The following CACNA1H variants were observed in gnomAD, a reference collection of about 807,000 sequenced individuals.
The protein encoded by CACNA1H is calcium voltage-gated channel subunit alpha1 H, also known as voltage-dependent T-type calcium channel subunit alpha-1H.
Under a neutral mutation model 192.5 loss-of-function variants are expected in CACNA1H, and 149 were observed. That is an observed-to-expected ratio of 0.77 (90% CI 0.68 to 0.89). CACNA1H has a LOEUF of 0.89. CACNA1H is among the 40% of genes least tolerant of loss of function. CACNA1H has a pLI of 0.00. For synonymous variants in CACNA1H, 2,202 were observed against 1,475.2 expected (o/e 1.49, Z -11.29); for missense variants, 4,257 against 3,423.5 (o/e 1.24, Z -6.08).
chr16:1,156,353 C>G (rs777965705), intron 2 of CACNA1H, among the ~76,000 whole-genome samples: 1 of 152,216 alleles, frequency 6.6e-6, no homozygotes, highest in Non-Finnish European at 1.5e-5. Flanking sequence ...GTGTGACCAC[C>G]AGCAGATGCC....
Position 1,204,569 on chromosome 16 carries a change from G to A in CACNA1H, c.2451+111G>A. ...GCCTGACCTGATGGTAGGACGGTCA[G>A]GCAGGGCTCTAGAAAGCCGGGGATG... On this transcript the variant is annotated intron_variant, in intron 10 of 34. Coordinates refer to ENST00000348261, the MANE Select transcript of CACNA1H (RefSeq NM_021098.3). The A allele has an allele frequency of 9.5e-6, 8 of 845,850 alleles. No individual in the cohort carries two copies. In the South Asian group the frequency reaches 1.3e-4, roughly 14 times the overall value. The allele number at this position is 845,850 out of a possible 1,614,324, so 52.4% of individuals were successfully genotyped here.
At chr16:1,165,193 CGGG>C (rs953459142) in intron 2 of CACNA1H, among the ~76,000 whole-genome samples, 2 of 151,944 alleles carry the variant, frequency 1.3e-5, no homozygotes, top group Non-Finnish European at 2.9e-5. Flanking sequence ...GCTGGGGAGA[CGGG>C]GGGAAGAGCA....
chr16:1,203,358 G>A (rs1036120384), intron 9 of CACNA1H, among the ~76,000 whole-genome samples: 4 of 152,168 alleles, frequency 2.6e-5, no homozygotes, highest in Non-Finnish European at 5.9e-5. Flanking sequence ...AGCTAACTTC[G>A]CCTGTGTGCT....
intron 2 of CACNA1H, among the ~76,000 whole-genome samples, chr16:1,162,131 C>T (rs1221141315): frequency 1.3e-5 from 2 of 152,108 alleles, no homozygotes; most frequent in Admixed American, 6.5e-5. Flanking sequence ...CTCCTCGTCC[C>T]CACTCAGTCC....
At chr16:1,169,782 C>G (rs1490126698) in intron 2 of CACNA1H, among the ~76,000 whole-genome samples, 1 of 152,226 alleles carries the variant, frequency 6.6e-6, no homozygotes. Context: ...CCTCCCAGGC[C>G]TGGTCCCTGG....
At chr16:1,189,339 G>C (rs532257013) in intron 2 of CACNA1H, among the ~76,000 whole-genome samples, 3 of 145,904 alleles carry the variant, frequency 2.1e-5, no homozygotes, top group African/African-American at 7.4e-5. Flanking sequence ...GCTTGGAGAT[G>C]TGAGGAAGGG....
intron 2 of CACNA1H, among the ~76,000 whole-genome samples, chr16:1,191,758 G>A (rs1291414715): frequency 1.2e-5 from 1 of 85,216 alleles, no homozygotes; most frequent in Non-Finnish European, 2.5e-5. Context: ...AGGCACACTC[G>A]GGGTCTCTGA....
At chr16:1,156,692 C>G (rs529318578) in intron 2 of CACNA1H, among the ~76,000 whole-genome samples, 2 of 152,130 alleles carry the variant, frequency 1.3e-5, no homozygotes, top group African/African-American at 4.8e-5. Context: ...CTCAGGGAAC[C>G]CACACTCAGT....
chr16:1,212,597 C>T, intron 26 of CACNA1H, 69 bp downstream of exon 26: 2 of 1,559,518 alleles, frequency 1.3e-6, no homozygotes, highest in Non-Finnish European at 1.7e-6. Flanking sequence ...GGCGGGCATC[C>T]CAGGCCTGCT....
chr16:1,189,586 T>C (rs772550915), intron 2 of CACNA1H, among the ~76,000 whole-genome samples: 12 of 151,932 alleles, frequency 7.9e-5, no homozygotes, highest in Non-Finnish European at 1.6e-4. Flanking sequence ...TTTTGTTAAA[T>C]ATTTGTTAAA....
intron 26 of CACNA1H, among the ~76,000 whole-genome samples, chr16:1,212,969 A>G (rs1596463912): frequency 6.6e-6 from 1 of 152,114 alleles, no homozygotes. Context: ...AGCAGTCCCC[A>G]CCCGTGTGTG....
intron 33 of CACNA1H, 27 bp downstream of exon 33, chr16:1,218,678 G>A (rs1263744788): frequency 6.6e-7 from 1 of 1,511,714 alleles, no homozygotes; most frequent in East Asian, 2.4e-5. Context: ...GAAGATATGG[G>A]CTGGGTGGGA....
intron 8 of CACNA1H, 136 bp from the exon 9 acceptor site, chr16:1,201,527 C>G (rs911896087): frequency 4.7e-6 from 5 of 1,061,722 alleles, no homozygotes; most frequent in Non-Finnish European, 6.7e-6. Context: ...ACCGCAGCAG[C>G]CTGCCCATAG....
intron 2 of CACNA1H, among the ~76,000 whole-genome samples, chr16:1,186,948 G>C (rs1303712021): frequency 1.3e-5 from 2 of 152,162 alleles, no homozygotes; most frequent in Non-Finnish European, 2.9e-5. Context: ...TGGTTCCCGG[G>C]GATCTCCTGT....
At chr16:1,219,753 C>G in intron 34 of CACNA1H, among the ~76,000 whole-genome samples, 1 of 151,242 alleles carries the variant, frequency 6.6e-6, no homozygotes, top group Non-Finnish European at 1.5e-5. Context: ...GCATCTCTGC[C>G]CACAGAGCAG....
chr16:1,192,505 A>G (rs1304349035), intron 2 of CACNA1H, among the ~76,000 whole-genome samples: 1 of 152,178 alleles, frequency 6.6e-6, no homozygotes, highest in Non-Finnish European at 1.5e-5. Context: ...CCTCCGCCTC[A>G]GGGTCTGGGC....
At position 1,216,875 on chromosome 16, in the gene CACNA1H, T is replaced by C. The variant is rs945865341; in HGVS notation, c.5245-57T>C. 15 of 1,395,366 alleles carry C rather than the reference T, an allele frequency of 1.1e-5. No individual in the cohort carries two copies. The African/African-American group carries it at 2.0e-4, about 19-fold the overall frequency. The allele number at this position is 1,395,366 out of a possible 1,614,324, so 86.4% of individuals were successfully genotyped here. On this transcript the variant is annotated intron_variant, in intron 30 of 34. Coordinates refer to ENST00000348261, the MANE Select transcript of CACNA1H (RefSeq NM_021098.3). Reference sequence around the variant, plus strand: ...CCGAGGCGCCGAGTGCCCTGCAGGGTGGGCTGAGGCCTCCCTGCCCGCCCG... The same window carrying C: ...CCGAGGCGCCGAGTGCCCTGCAGGGCGGGCTGAGGCCTCCCTGCCCGCCCG...
chr16:1,216,805 G>C, intron 30 of CACNA1H, 127 bp from the exon 31 acceptor site: 1 of 762,928 alleles, frequency 1.3e-6, no homozygotes, highest in Non-Finnish European at 2.2e-6. Flanking sequence ...CCACTTGGCC[G>C]GGCCCGGAGC....
At chr16:1,179,268 G>A (rs1044301796) in intron 2 of CACNA1H, among the ~76,000 whole-genome samples, 1 of 152,000 alleles carries the variant, frequency 6.6e-6, no homozygotes, top group East Asian at 1.9e-4. Flanking sequence ...GGCCTCAGGG[G>A]CTCCTGGGTA....
Sources: gnomAD v4.1 joint callset for allele counts (sites outside exome capture counted in the v4.1 genomes callset) on GRCh38, gnomAD v4.1.1 for gene constraint, MANE v1.5 for transcripts, NCBI Gene and HGNC (gene_info 2026-07-23, HGNC 2026-07-21) for gene names.